Variants in PPM1L observed in about 807,000 individuals in gnomAD.
The protein encoded by PPM1L is protein phosphatase, Mg2+/Mn2+ dependent 1L.
PPM1L carries 13 observed loss-of-function variants against 31.4 expected under a neutral mutation model. The observed-to-expected ratio is 0.41, with a 90% CI of 0.27 to 0.66. PPM1L has a LOEUF of 0.66. Ranked by LOEUF, PPM1L falls within the 30% of genes least tolerant of loss-of-function variation. PPM1L has a pLI of 0.29. For missense variants in PPM1L, 326 were observed against 453.7 expected, an observed-to-expected ratio of 0.72 and a Z score of 2.56; for synonymous variants, 184 against 175.4, an observed-to-expected ratio of 1.05 and a Z score of -0.39.
chr3:161,021,855 A>G (rs1220342010), intron 2 of PPM1L, among the ~76,000 whole-genome samples: 2 of 151,946 alleles, frequency 1.3e-5, no homozygotes, highest in Non-Finnish European at 2.9e-5. Flanking sequence ...TTTTTTTTAT[A>G]GCATACTTTA....
At chr3:160,821,505 T>A (rs1475594819) in intron 1 of PPM1L, among the ~76,000 whole-genome samples, 3 of 152,114 alleles carry the variant, frequency 2.0e-5, no homozygotes, top group African/African-American at 7.2e-5. Flanking sequence ...GATTACAGTT[T>A]TCATATGTAA....
At chr3:160,969,311 G>C (rs1309068970) in intron 2 of PPM1L, among the ~76,000 whole-genome samples, 1 of 152,208 alleles carries the variant, frequency 6.6e-6, no homozygotes, top group Non-Finnish European at 1.5e-5. Context: ...AGTAGCTGGA[G>C]GGTTACCTCC....
intron 2 of PPM1L, among the ~76,000 whole-genome samples, chr3:161,030,130 T>C (rs1262927921): frequency 6.6e-6 from 1 of 152,226 alleles, no homozygotes; most frequent in Non-Finnish European, 1.5e-5. Flanking sequence ...GCAACTGCTA[T>C]GGTCTAAACA....
chr3:160,990,354 A>C (rs2108042908), intron 2 of PPM1L, among the ~76,000 whole-genome samples: 1 of 152,308 alleles, frequency 6.6e-6, no homozygotes, highest in South Asian at 2.1e-4. Context: ...ATTCATAGAT[A>C]ATATAATCTA....
chr3:160,824,758 C>T (rs191931566), intron 1 of PPM1L, among the ~76,000 whole-genome samples: 107 of 152,196 alleles, frequency 7.0e-4, no homozygotes, highest in African/African-American at 2.4e-3. Context: ...TTTCAGAACA[C>T]GAGCAGGAGA....
At chr3:160,808,406 T>A in intron 1 of PPM1L, among the ~76,000 whole-genome samples, 1 of 147,912 alleles carries the variant, frequency 6.8e-6, no homozygotes, top group African/African-American at 2.6e-5. Context: ...TGTGTGTGTG[T>A]GTGTGTGTGT....
At chr3:160,768,778 G>A (rs1223794598) in intron 1 of PPM1L, among the ~76,000 whole-genome samples, 1 of 152,072 alleles carries the variant, frequency 6.6e-6, no homozygotes, top group East Asian at 1.9e-4. Context: ...AACTCAAGTG[G>A]AAGCGGATTA....
At chr3:160,924,018 A>C (rs1423416335) in intron 1 of PPM1L, among the ~76,000 whole-genome samples, 1 of 152,240 alleles carries the variant, frequency 6.6e-6, no homozygotes, top group Admixed American at 6.5e-5. Flanking sequence ...AATTTAGCAA[A>C]AACAAACAAC....
At chr3:160,894,973 C>A (rs544176371) in intron 1 of PPM1L, among the ~76,000 whole-genome samples, 80 of 152,002 alleles carry the variant, frequency 5.3e-4, no homozygotes, top group African/African-American at 1.8e-3. Flanking sequence ...CACCTTTTTT[C>A]CTATACCTTT....
chr3:161,063,640 A>G (rs1416789810), intron 2 of PPM1L, among the ~76,000 whole-genome samples: 1 of 152,130 alleles, frequency 6.6e-6, no homozygotes, highest in Non-Finnish European at 1.5e-5. Context: ...AACCAGAAAT[A>G]CCATTTGACT....
chr3:160,971,407 T>A (rs1439249521), intron 2 of PPM1L, among the ~76,000 whole-genome samples: 2 of 152,226 alleles, frequency 1.3e-5, no homozygotes, highest in Non-Finnish European at 1.5e-5. Flanking sequence ...GATGACCACG[T>A]GGCCCTTAAC....
chr3:160,847,509 A>T (rs1231242250), intron 1 of PPM1L, among the ~76,000 whole-genome samples: 1 of 152,170 alleles, frequency 6.6e-6, no homozygotes, highest in Non-Finnish European at 1.5e-5. Context: ...GTTGTGCTCA[A>T]TTGTGATCTC....
chr3:160,915,634 G>A (rs1173081609), intron 1 of PPM1L, among the ~76,000 whole-genome samples: 3 of 152,172 alleles, frequency 2.0e-5, no homozygotes, highest in South Asian at 2.1e-4. Flanking sequence ...AAAGCTGGGG[G>A]CATCATGCTA....
At chr3:160,785,623 T>G (rs77498013) in intron 1 of PPM1L, among the ~76,000 whole-genome samples, 7,336 of 152,272 alleles carry the variant, frequency 0.048, 192 homozygotes, top group South Asian at 0.064. Context: ...AAGCATGTTA[T>G]GTAAACTCTT....
At chr3:160,993,045 A>C (rs1717186842) in intron 2 of PPM1L, among the ~76,000 whole-genome samples, 1 of 151,998 alleles carries the variant, frequency 6.6e-6, no homozygotes, top group Non-Finnish European at 1.5e-5. Context: ...TTGTTGATCC[A>C]GGTACGGTGT....
At chr3:161,032,963 G>A (rs1009550162) in intron 2 of PPM1L, among the ~76,000 whole-genome samples, 41 of 150,196 alleles carry the variant, frequency 2.7e-4, no homozygotes, top group African/African-American at 9.6e-4. Flanking sequence ...CACCCACCTC[G>A]GGATTACAGG....
At chr3:160,778,467 T>A (rs1414514907) in intron 1 of PPM1L, among the ~76,000 whole-genome samples, 1 of 152,196 alleles carries the variant, frequency 6.6e-6, no homozygotes, top group Non-Finnish European at 1.5e-5. Context: ...TGAAATTATG[T>A]TGAGCCAATC....
At chr3:160,868,353 G>A (rs991629700) in intron 1 of PPM1L, among the ~76,000 whole-genome samples, 8 of 152,218 alleles carry the variant, frequency 5.3e-5, no homozygotes, top group Non-Finnish European at 2.9e-5. Context: ...TTCCTGGACT[G>A]TGGCTTGTCT....
At chr3:160,997,330 A>G (rs1230981474) in intron 2 of PPM1L, among the ~76,000 whole-genome samples, 3 of 152,186 alleles carry the variant, frequency 2.0e-5, no homozygotes, top group Admixed American at 2.0e-4. Flanking sequence ...GGAGCTGGAT[A>G]TGTGCGGGAG....
Sources: gnomAD v4.1 joint callset for allele counts (sites outside exome capture counted in the v4.1 genomes callset) on GRCh38, gnomAD v4.1.1 for gene constraint, MANE v1.5 for transcripts, NCBI Gene and HGNC (gene_info 2026-07-23, HGNC 2026-07-21) for gene names.